TNNI3K: variants seen among roughly 807,000 people sequenced by gnomAD.
The protein encoded by TNNI3K is TNNI3 interacting kinase.
A neutral mutation model predicts 114.5 loss-of-function variants in TNNI3K; 140 were observed. The ratio of observed to expected loss-of-function variants is 1.22; its 90% CI spans 1.07 to 1.41. The LOEUF (loss-of-function observed/expected upper bound fraction) is 1.41, where lower values mean the gene tolerates loss of function less well. TNNI3K is among the 40% of genes most tolerant of loss of function. TNNI3K has a pLI of 0.00. For missense variants in TNNI3K, 1,125 were observed against 1,007.6 expected (o/e 1.12, Z -1.58); for synonymous variants, 347 against 347.5 (o/e 1.00, Z 0.02).
intron 17 of TNNI3K, among the ~76,000 whole-genome samples, chr1:74,390,757 G>A (rs1453899745): frequency 6.6e-6 from 1 of 152,058 alleles, no homozygotes; most frequent in Non-Finnish European, 1.5e-5. Context: ...ATGTATAGAT[G>A]TGAGAGTAAG....
At chr1:74,237,313 A>G (rs1333533522) in intron 2 of TNNI3K, among the ~76,000 whole-genome samples, 1 of 151,950 alleles carries the variant, frequency 6.6e-6, no homozygotes, top group East Asian at 1.9e-4. Flanking sequence ...TACATTTGAA[A>G]TTCCTGTAGA....
At chr1:74,354,168 G>T in intron 11 of TNNI3K, 39 bp downstream of exon 11, 1 of 1,612,140 alleles carries the variant, frequency 6.2e-7, no homozygotes, top group South Asian at 1.1e-5. Context: ...GTGATACATT[G>T]AACTGTGTGC....
At chr1:74,440,651 G>A (rs985686701) in intron 20 of TNNI3K, among the ~76,000 whole-genome samples, 15 of 152,080 alleles carry the variant, frequency 9.9e-5, no homozygotes, top group African/African-American at 3.6e-4. Context: ...TATGTGCTCT[G>A]TGCATAGTTT....
At chr1:74,344,768 GTA>G (rs1660913635) in intron 9 of TNNI3K, among the ~76,000 whole-genome samples, 2 of 152,320 alleles carry the variant, frequency 1.3e-5, no homozygotes, top group South Asian at 4.1e-4. Flanking sequence ...TGAGTTGAAA[GTA>G]TATACCCAAT....
At chr1:74,442,661 A>G (rs1333985154) in intron 20 of TNNI3K, among the ~76,000 whole-genome samples, 1 of 152,120 alleles carries the variant, frequency 6.6e-6, no homozygotes, top group African/African-American at 2.4e-5. Context: ...ATATTTTAGC[A>G]TACAAACCTT....
intron 2 of TNNI3K, among the ~76,000 whole-genome samples, chr1:74,247,268 G>A (rs7536997): frequency 0.58 from 87,885 of 151,786 alleles, 29,213 homozygotes; most frequent in East Asian, 0.81. Context: ...AGCTCTTACC[G>A]CGGCGCATCT....
At chr1:74,402,728 T>C (rs1279075355) in intron 17 of TNNI3K, among the ~76,000 whole-genome samples, 2 of 152,238 alleles carry the variant, frequency 1.3e-5, no homozygotes, top group Non-Finnish European at 2.9e-5. Flanking sequence ...GTTTCCCTTC[T>C]GGCTATCAGC....
chr1:74,479,678 G>A lies in TNNI3K; in HGVS notation c.2122-9511G>A, dbSNP rs544188196. On this transcript the variant is annotated intron_variant, in intron 21 of 24. Transcript: ENST00000326637. ...AGCATCTCTTCGTCCATCTGTGAAA[G>A]CCCTCTGACTCTTACTATACACCAT... 2.6e-5 allele frequency among the ~76,000 whole-genome samples: 4 copies of A among 152,298 alleles called. No homozygotes were observed. The East Asian group carries it at 7.7e-4, about 29-fold the overall frequency.
intron 5 of TNNI3K, among the ~76,000 whole-genome samples, chr1:74,292,728 C>T (rs1657757144): frequency 1.3e-5 from 2 of 151,454 alleles, no homozygotes; most frequent in Non-Finnish European, 3.0e-5. Context: ...TTAATTGTGT[C>T]CTTCATGTCT....
At chr1:74,301,999 T>A (rs1351337774) in intron 5 of TNNI3K, among the ~76,000 whole-genome samples, 3 of 152,238 alleles carry the variant, frequency 2.0e-5, no homozygotes, top group African/African-American at 7.2e-5. Flanking sequence ...CACTGCACTT[T>A]GCTGTATTGT....
intron 16 of TNNI3K, 184 bp downstream of exon 16, chr1:74,369,769 C>T (rs780603317): frequency 9.4e-6 from 6 of 634,992 alleles, no homozygotes; most frequent in Non-Finnish European, 9.1e-6. Flanking sequence ...AATAGAAATA[C>T]TTTATGCTTT....
At chr1:74,372,009 T>G (rs2100527322) in intron 17 of TNNI3K, 1 of 151,166 alleles carries the variant, frequency 6.6e-6, no homozygotes, top group Admixed American at 6.6e-5. Flanking sequence ...AGCTCAAAGC[T>G]TGAGGATCAT....
At chr1:74,321,012 G>A (rs538376181) in intron 5 of TNNI3K, among the ~76,000 whole-genome samples, 10 of 152,286 alleles carry the variant, frequency 6.6e-5, no homozygotes, top group African/African-American at 2.4e-4. Flanking sequence ...TTGTACTCCA[G>A]TTTCCAAGTT....
intron 20 of TNNI3K, among the ~76,000 whole-genome samples, chr1:74,451,169 T>A (rs1666974358): frequency 6.6e-6 from 1 of 152,046 alleles, no homozygotes; most frequent in Non-Finnish European, 1.5e-5. Flanking sequence ...CACCACATGT[T>A]CTCACTTATA....
Position 74,323,219 on chromosome 1 carries a change from A to C in TNNI3K, c.445-8231A>C, listed in dbSNP as rs118077930. Reference sequence around the variant, plus strand: ...ATAGAACTTTCTGCAATGGGAAGGAATTACTAGCTGGCCCCAAATAATGCC... The same window carrying C: ...ATAGAACTTTCTGCAATGGGAAGGACTTACTAGCTGGCCCCAAATAATGCC... On this transcript the variant is annotated intron_variant, in intron 5 of 24. Transcript: ENST00000326637. 4.4e-3 allele frequency among the ~76,000 whole-genome samples: 663 copies of C among 152,290 alleles called. 17 individuals are homozygous for C. The highest frequency in any genetic ancestry group is 0.037 in the Admixed American group (569 of 15,288).
chr1:74,363,449 C>T (rs1488093772), intron 11 of TNNI3K, among the ~76,000 whole-genome samples: 1 of 151,896 alleles, frequency 6.6e-6, no homozygotes, highest in Non-Finnish European at 1.5e-5. Flanking sequence ...GAAAAGCATC[C>T]CAAAGAAAAT....
intron 23 of TNNI3K, among the ~76,000 whole-genome samples, chr1:74,519,629 G>C (rs915043989): frequency 6.6e-6 from 1 of 152,080 alleles, no homozygotes; most frequent in Non-Finnish European, 1.5e-5. Context: ...AAGAAAGCCA[G>C]AATAGAGATA....
chr1:74,400,957 T>C (rs1664329272), intron 17 of TNNI3K, among the ~76,000 whole-genome samples: 1 of 152,220 alleles, frequency 6.6e-6, no homozygotes, highest in Non-Finnish European at 1.5e-5. Context: ...ATTTTAAGTC[T>C]AAGAGAAAGT....
At chr1:74,479,543 C>T (rs1422878300) in intron 21 of TNNI3K, among the ~76,000 whole-genome samples, 1 of 152,142 alleles carries the variant, frequency 6.6e-6, no homozygotes, top group Non-Finnish European at 1.5e-5. Flanking sequence ...AGTCACACAG[C>T]TAATAGCAGA....
Sources: gnomAD v4.1 joint callset for allele counts (sites outside exome capture counted in the v4.1 genomes callset) on GRCh38, gnomAD v4.1.1 for gene constraint, MANE v1.5 for transcripts, NCBI Gene and HGNC (gene_info 2026-07-23, HGNC 2026-07-21) for gene names.